The following DPP6 variants were observed in gnomAD, a reference collection of about 807,000 sequenced individuals.
DPP6 encodes the protein A-type potassium channel modulatory protein DPP6.
In DPP6, 69 loss-of-function variants were observed where a neutral mutation model predicts 122.6. The observed-to-expected ratio is 0.56, with a 90% CI of 0.46 to 0.69. DPP6 has a LOEUF of 0.69. Among genes scored for constraint, DPP6 ranks in the 30% least tolerant of loss-of-function variants. The pLI is 0.00. For synonymous variants in DPP6, 418 were observed against 433.1 expected (o/e 0.97, Z 0.43); for missense variants, 928 against 1,116.9 (o/e 0.83, Z 2.41).
intron 5 of DPP6, among the ~76,000 whole-genome samples, chr7:154,632,387 G>C (rs1255471913): frequency 1.3e-5 from 2 of 152,186 alleles, no homozygotes; most frequent in African/African-American, 4.8e-5. Context: ...GAAAGACTTA[G>C]AAAGTTACTG....
Position 154,164,969 on chromosome 7 carries a change from A to G in DPP6, c.243+111906A>G, listed in dbSNP as rs544024835. Among the ~76,000 whole-genome samples the G allele has an allele frequency of 2.6e-5, 4 of 152,052 alleles. No individual in the cohort carries two copies. In the South Asian group the frequency reaches 6.2e-4, roughly 24 times the overall value. On this transcript the variant is annotated intron_variant, in intron 1 of 25. Coordinates refer to ENST00000377770, the MANE Select transcript of DPP6 (RefSeq NM_130797.4). ...TGTGGATATAACTGTTAGATTTATAATCATTCTAATTAGCCATTTTGTACT... is the reference window on the plus strand; with the variant it reads ...TGTGGATATAACTGTTAGATTTATAGTCATTCTAATTAGCCATTTTGTACT...
intron 5 of DPP6, among the ~76,000 whole-genome samples, chr7:154,586,151 G>A (rs1832431936): frequency 6.6e-6 from 1 of 152,262 alleles, no homozygotes; most frequent in East Asian, 1.9e-4. Context: ...GGAGGGAGCT[G>A]AATGGTTCCA....
intron 16 of DPP6, among the ~76,000 whole-genome samples, chr7:154,824,257 T>C (rs1462212243): frequency 5.6e-5 from 3 of 53,884 alleles, no homozygotes; most frequent in Non-Finnish European, 1.5e-4. Context: ...TTTTTGTTGT[T>C]GTTGTTGTTG....
At chr7:154,000,459 C>G (rs1045277453) in intron 1 of DPP6, among the ~76,000 whole-genome samples, 1 of 152,088 alleles carries the variant, frequency 6.6e-6, no homozygotes, top group Non-Finnish European at 1.5e-5. Flanking sequence ...CAGAGAGGTT[C>G]TGGTGACAGC....
At chr7:154,472,479 ATT>A (rs1156958459) in intron 2 of DPP6, among the ~76,000 whole-genome samples, 1 of 152,050 alleles carries the variant, frequency 6.6e-6, no homozygotes, top group East Asian at 1.9e-4. Flanking sequence ...CCACTTTCTT[ATT>A]TAATAGTCTG....
intron 1 of DPP6, among the ~76,000 whole-genome samples, chr7:154,019,001 C>T (rs1351092861): frequency 6.6e-6 from 1 of 152,146 alleles, no homozygotes; most frequent in Middle Eastern, 3.2e-3. Context: ...AAAACAAATA[C>T]AATAAACAGA....
intron 1 of DPP6, among the ~76,000 whole-genome samples, chr7:153,976,636 G>GT (rs1796320277): frequency 6.6e-6 from 1 of 152,230 alleles, no homozygotes; most frequent in African/African-American, 2.4e-5. Context: ...GTTGAATCAG[G>GT]TTGGGAGGGC....
intron 1 of DPP6, among the ~76,000 whole-genome samples, chr7:154,112,035 C>A (rs1027028786): frequency 3.9e-5 from 6 of 152,222 alleles, no homozygotes; most frequent in Admixed American, 3.9e-4. Context: ...CTTTACTCTC[C>A]CAGATTCTCC....
chr7:154,474,199 G>T (rs1028075427), intron 2 of DPP6, among the ~76,000 whole-genome samples: 1 of 152,178 alleles, frequency 6.6e-6, no homozygotes, highest in Non-Finnish European at 1.5e-5. Flanking sequence ...CTCTTCTGAG[G>T]AGGAGCAAAA....
Position 154,061,638 on chromosome 7 carries a change from C to T in DPP6, c.243+8575C>T, listed in dbSNP as rs1464679211. On this transcript the variant is annotated intron_variant, in intron 1 of 25. Coordinates refer to ENST00000377770, the MANE Select transcript of DPP6 (RefSeq NM_130797.4). ...TCACAGGGGGGGGAGGCACCCGCTG[C>T]GAGGCGGGGACTCAGAGCCAACCCC... 8.8e-5 allele frequency among the ~76,000 whole-genome samples: 11 copies of T among 124,468 alleles called. 2 individuals carry two copies. Among genetic ancestry groups the T allele is most frequent in the African/African-American group, 2.8e-4 (9 of 32,200 alleles). The allele number at this position is 124,468 out of a possible 152,430, so 81.7% of individuals were successfully genotyped here.
chr7:154,379,795 G>C (rs1275112696), intron 1 of DPP6, among the ~76,000 whole-genome samples: 2 of 152,266 alleles, frequency 1.3e-5, no homozygotes, highest in African/African-American at 4.8e-5. Context: ...TAATGGAGAG[G>C]TCTAGTGGAC....
Position 154,888,970 on chromosome 7 carries a change from ACAG to A in DPP6, c.2305-296_2305-294del, listed in dbSNP as rs535697227. Among the ~76,000 whole-genome samples, 467 of 152,324 alleles carry A rather than the reference ACAG, an allele frequency of 3.1e-3. 2 individuals carry two copies. Among genetic ancestry groups the A allele is most frequent in the Non-Finnish European group, 5.2e-3 (352 of 68,028 alleles). On this transcript the variant is annotated intron_variant, in intron 23 of 25. Transcript: ENST00000377770. Reference sequence around the variant, plus strand: ...GTGAGATTTATTCATTATCATGAGAACAGCAGCACAGGAAAGACCCACCCCCAT... The same window carrying A: ...GTGAGATTTATTCATTATCATGAGAACAGCACAGGAAAGACCCACCCCCAT...
intron 1 of DPP6, among the ~76,000 whole-genome samples, chr7:153,976,343 C>T (rs544802192): frequency 6.6e-6 from 1 of 152,270 alleles, no homozygotes; most frequent in African/African-American, 2.4e-5. Flanking sequence ...TAACAGACAA[C>T]AGTGTGGAAA....
chr7:154,727,676 A>G, intron 7 of DPP6, 91 bp from the exon 8 acceptor site: 1 of 1,457,890 alleles, frequency 6.9e-7, no homozygotes, highest in East Asian at 2.5e-5. Context: ...GGAAAATGAA[A>G]ACCCGGTTGA....
intron 1 of DPP6, among the ~76,000 whole-genome samples, chr7:154,330,163 C>G (rs140009507): frequency 4.6e-5 from 7 of 152,174 alleles, no homozygotes; most frequent in African/African-American, 1.7e-4. Flanking sequence ...CAAACCTGCA[C>G]GTTGTGCACA....
chr7:154,729,696 A>G (rs1443507922), intron 8 of DPP6, among the ~76,000 whole-genome samples: 1 of 152,172 alleles, frequency 6.6e-6, no homozygotes, highest in African/African-American at 2.4e-5. Flanking sequence ...ACTGGAACCC[A>G]AGCATCCACA....
At position 154,601,621 on chromosome 7, in the gene DPP6, C is replaced by A. The variant is rs1833411037; in HGVS notation, c.627+34705C>A. Among the ~76,000 whole-genome samples the A allele has an allele frequency of 1.7e-5, 2 of 120,744 alleles. 1 individual carries two copies. Among genetic ancestry groups the A allele is most frequent in the Non-Finnish European group, 3.7e-5 (2 of 53,582 alleles). The allele number at this position is 120,744 out of a possible 152,430, so 79.2% of individuals were successfully genotyped here. ...ATATGTTTACATTTAAAGTATGTTT[C>A]TTATAAATAACATGTAGTTAGGTCT... On this transcript the variant is annotated intron_variant, in intron 5 of 25. Transcript: ENST00000377770.
chr7:154,764,464 G>A (rs1219024344), intron 8 of DPP6, among the ~76,000 whole-genome samples: 1 of 152,166 alleles, frequency 6.6e-6, no homozygotes. Context: ...CCCAGCAGCA[G>A]GAACTCAGCA....
chr7:153,885,635 T>C (rs1328412421), upstream of DPP6, among the ~76,000 whole-genome samples: 1 of 152,166 alleles, frequency 6.6e-6, no homozygotes, highest in Non-Finnish European at 1.5e-5. Context: ...CATTTTACAC[T>C]ATTTTGTTAT....
Sources: allele counts gnomAD v4.1 joint callset (sites outside exome capture counted in the v4.1 genomes callset), GRCh38; gene constraint gnomAD v4.1.1; transcripts MANE v1.5; gene names NCBI Gene and HGNC (gene_info 2026-07-23, HGNC 2026-07-21).